Variants in STXBP6 observed in about 807,000 individuals in gnomAD.
STXBP6 encodes the protein syntaxin binding protein 6.
Under a neutral mutation model 26.9 loss-of-function variants are expected in STXBP6, and 21 were observed. That is an observed-to-expected ratio of 0.78 (90% CI 0.55 to 1.12). The LOEUF (loss-of-function observed/expected upper bound fraction) is 1.12, where lower values mean the gene tolerates loss of function less well. Among genes scored for constraint, STXBP6 ranks in the 50% most tolerant of loss-of-function variants. The probability of loss-of-function intolerance (pLI) is 0.00; values close to 1 mark genes in which losing one functional copy is unlikely to be tolerated. For synonymous variants in STXBP6, 97 were observed against 92.6 expected (o/e 1.05, Z -0.27); for missense variants, 232 against 257.9 (o/e 0.90, Z 0.69).
intron 1 of STXBP6, among the ~76,000 whole-genome samples, chr14:25,012,544 G>C (rs1761751000): frequency 6.6e-6 from 1 of 152,100 alleles, no homozygotes; most frequent in South Asian, 2.1e-4. Flanking sequence ...AGGTTGCAGT[G>C]AGCTGAGATT....
intron 2 of STXBP6, among the ~76,000 whole-genome samples, chr14:24,945,166 T>TTTTTTTTTTTTTC (rs1491578209): frequency 7.0e-6 from 1 of 143,780 alleles, no homozygotes; most frequent in Admixed American, 7.0e-5. Context: ...TTTTTTTTTT[T>TTTTTTTTTTTTTC]AGCAGATTCC....
chr14:24,961,098 C>T (rs2140120679), intron 2 of STXBP6, among the ~76,000 whole-genome samples: 1 of 152,124 alleles, frequency 6.6e-6, no homozygotes, highest in East Asian at 1.9e-4. Flanking sequence ...AAGAAAATTC[C>T]TAAGTCAATT....
intron 4 of STXBP6, among the ~76,000 whole-genome samples, chr14:24,842,699 T>C (rs796726664): frequency 1.3e-5 from 2 of 152,254 alleles, no homozygotes; most frequent in African/African-American, 4.8e-5. Context: ...GAAAAGATGA[T>C]TATGCCTTAC....
intron 1 of STXBP6, among the ~76,000 whole-genome samples, chr14:25,043,401 A>C (rs1054737116): frequency 6.6e-6 from 1 of 152,214 alleles, no homozygotes; most frequent in African/African-American, 2.4e-5. Context: ...AAAAACAAAA[A>C]ACAAAAAACT....
intron 1 of STXBP6, among the ~76,000 whole-genome samples, chr14:25,046,599 T>C (rs548264208): frequency 4.0e-4 from 61 of 152,300 alleles, no homozygotes; most frequent in African/African-American, 1.4e-3. Context: ...TATACCTAAT[T>C]GATTTGGGCA....
chr14:24,985,756 T>C (rs911533729), intron 1 of STXBP6, among the ~76,000 whole-genome samples: 5 of 152,190 alleles, frequency 3.3e-5, no homozygotes, highest in Admixed American at 3.3e-4. Flanking sequence ...TTTTGGGCCT[T>C]ACACACCAGC....
chr14:24,913,267 TA>T (rs1333100376), intron 2 of STXBP6, among the ~76,000 whole-genome samples: 1 of 152,182 alleles, frequency 6.6e-6, no homozygotes, highest in Admixed American at 6.6e-5. Flanking sequence ...GAGGACCAGT[TA>T]ATAAGGAATG....
At chr14:24,927,025 G>T (rs1453663930) in intron 2 of STXBP6, among the ~76,000 whole-genome samples, 2 of 152,146 alleles carry the variant, frequency 1.3e-5, no homozygotes, top group African/African-American at 2.4e-5. Context: ...CATTTTAGTG[G>T]ACGCAAACAA....
At chr14:24,888,721 C>T (rs963200772) in intron 2 of STXBP6, among the ~76,000 whole-genome samples, 1 of 95,184 alleles carries the variant, frequency 1.1e-5, no homozygotes, top group Non-Finnish European at 2.3e-5. Context: ...GACTCCGTCT[C>T]AAAAAAAAAA....
At chr14:24,890,177 A>G (rs2070739840) in intron 2 of STXBP6, among the ~76,000 whole-genome samples, 1 of 152,254 alleles carries the variant, frequency 6.6e-6, no homozygotes, top group Non-Finnish European at 1.5e-5. Flanking sequence ...ATGCCTGCTA[A>G]TGCTGTCCCA....
intron 4 of STXBP6, among the ~76,000 whole-genome samples, chr14:24,849,745 G>T (rs2069082647): frequency 6.6e-6 from 1 of 152,106 alleles, no homozygotes. Context: ...TAAGAAGCCT[G>T]GCCTCCTCTG....
chr14:25,015,919 G>T (rs1044707762), intron 1 of STXBP6, among the ~76,000 whole-genome samples: 3 of 152,178 alleles, frequency 2.0e-5, no homozygotes, highest in Non-Finnish European at 4.4e-5. Context: ...TCACCTTGTA[G>T]CTAAGAGTGT....
intron 1 of STXBP6, among the ~76,000 whole-genome samples, chr14:25,044,490 C>G (rs1040191703): frequency 1.3e-5 from 2 of 152,130 alleles, no homozygotes; most frequent in African/African-American, 4.8e-5. Context: ...CACTTCCATG[C>G]CCCCGTCCAG....
intron 3 of STXBP6, among the ~76,000 whole-genome samples, chr14:24,856,305 A>G (rs958055834): frequency 6.6e-6 from 1 of 152,080 alleles, no homozygotes; most frequent in Non-Finnish European, 1.5e-5. Context: ...ACATGTTCCT[A>G]GGAAACTAGT....
intron 2 of STXBP6, chr14:24,878,689 T>C: frequency 2.7e-6 from 1 of 368,192 alleles, no homozygotes; most frequent in Non-Finnish European, 5.6e-6. Flanking sequence ...TAATGGCCTT[T>C]TCTTAAACTG....
intron 4 of STXBP6, among the ~76,000 whole-genome samples, chr14:24,829,684 ATTT>A (rs71121804): frequency 2.1e-5 from 3 of 144,410 alleles, no homozygotes; most frequent in African/African-American, 2.5e-5. Flanking sequence ...TCATTGAACT[ATTT>A]TTTTTTTTTT....
At position 24,845,390 on chromosome 14, in the gene STXBP6, A is replaced by G. The variant is rs943885888; in HGVS notation, c.451+10546T>C. Among the ~76,000 whole-genome samples the G allele has an allele frequency of 5.9e-5, 9 of 152,302 alleles. 2 individuals carry two copies. The highest frequency in any genetic ancestry group is 3.9e-4 in the Admixed American group (6 of 15,294). ...ATTATTAAGGAAAACAAATCCCTTA[A>G]GTAAAGAGAAAGAGCCAAGGTAGAA... On this transcript the variant is annotated intron_variant, in intron 4 of 5. Coordinates refer to ENST00000323944, the MANE Select transcript of STXBP6 (RefSeq NM_001394410.1).
At chr14:25,046,313 A>G (rs1389335638) in intron 1 of STXBP6, among the ~76,000 whole-genome samples, 1 of 152,228 alleles carries the variant, frequency 6.6e-6, no homozygotes, top group Admixed American at 6.5e-5. Flanking sequence ...TAACTAATGA[A>G]TCTTAAGAGT....
chr14:24,926,576 C>T (rs998271079), intron 2 of STXBP6, among the ~76,000 whole-genome samples: 7 of 152,174 alleles, frequency 4.6e-5, no homozygotes, highest in Non-Finnish European at 7.4e-5. Context: ...TTTGTGCTTG[C>T]TAAGATTTGT....
Sources: gnomAD v4.1 joint callset for allele counts (sites outside exome capture counted in the v4.1 genomes callset) on GRCh38, gnomAD v4.1.1 for gene constraint, MANE v1.5 for transcripts, NCBI Gene and HGNC (gene_info 2026-07-23, HGNC 2026-07-21) for gene names.